The following CLEC2L variants were observed in gnomAD, a reference collection of about 807,000 sequenced individuals.
CLEC2L encodes the protein C-type lectin domain family 2, member L.
CLEC2L carries 14 observed loss-of-function variants against 23.6 expected under a neutral mutation model. The observed-to-expected ratio is 0.59, with a 90% CI of 0.39 to 0.93. CLEC2L has a LOEUF of 0.93. Ranked by LOEUF, CLEC2L falls within the 40% of genes least tolerant of loss-of-function variation. CLEC2L has a pLI of 0.00. For missense variants in CLEC2L, 264 were observed against 282.4 expected, an observed-to-expected ratio of 0.93 and a Z score of 0.47; for synonymous variants, 114 against 121.3, an observed-to-expected ratio of 0.94 and a Z score of 0.40.
At position 139,536,254 on chromosome 7, in the gene CLEC2L, A is replaced by C. The variant is rs1797653866; in HGVS notation, c.191-20A>C. On this transcript the variant is annotated intron_variant, in intron 1 of 4. Transcript: ENST00000422142. ...GGTGGGATGGGCGGTGGGATGTTGAACCCCTCTCTCTTCTCCTAGACACCA... is the reference window on the plus strand; with the variant it reads ...GGTGGGATGGGCGGTGGGATGTTGACCCCCTCTCTCTTCTCCTAGACACCA... 1.3e-6 allele frequency: 2 copies of C among 1,547,320 alleles called. No homozygotes were observed. Among genetic ancestry groups the C allele is most frequent in the South Asian group, 2.4e-5 (2 of 83,892 alleles).
chr7:139,542,950 C>A (rs1450635306), intron 4 of CLEC2L, among the ~76,000 whole-genome samples: 1 of 152,120 alleles, frequency 6.6e-6, no homozygotes, highest in Admixed American at 6.5e-5. Flanking sequence ...GAGGAATAGG[C>A]TCTGAGGTGC....
chr7:139,531,097 C>T (rs1049178745), intron 1 of CLEC2L, among the ~76,000 whole-genome samples: 17 of 152,190 alleles, frequency 1.1e-4, no homozygotes, highest in Non-Finnish European at 2.4e-4. Context: ...TATCTATGGG[C>T]TTGGAGGCTC....
At position 139,523,770 on chromosome 7, in the gene CLEC2L, G is replaced by C; in HGVS notation, c.-158G>C. On this transcript the variant is annotated 5_prime_UTR_variant, in exon 1 of 5. Coordinates refer to ENST00000422142, the MANE Select transcript of CLEC2L (RefSeq NM_001080511.4). The surrounding 1 kb of genome is among the most constrained non-coding windows in gnomAD (Gnocchi z 4.1). ...CACCCGGCGCAGAGGCTCCAGCGCG[G>C]GGAGCCGGGCTCAGCCCCGGCCTGC... is the stretch of plus-strand genomic sequence containing the variant. The C allele has an allele frequency of 3.0e-6, 1 of 331,832 alleles. No individual in the cohort carries two copies. The highest frequency in any genetic ancestry group is 1.2e-4 in the South Asian group (1 of 8,508). The allele number at this position is 331,832 out of a possible 1,614,324, so 20.6% of individuals were successfully genotyped here. A position where few individuals can be genotyped will look rare whatever the true frequency, so the allele number is the denominator to read the frequency against.
chr7:139,536,045 C>G (rs112889199), intron 1 of CLEC2L, among the ~76,000 whole-genome samples: 2,261 of 152,358 alleles, frequency 0.015, 65 homozygotes, highest in African/African-American at 0.05. Flanking sequence ...TAGCTCATGC[C>G]TGTAATCCCA....
intron 2 of CLEC2L, among the ~76,000 whole-genome samples, chr7:139,536,836 G>T (rs1324579597): frequency 4.6e-5 from 7 of 151,910 alleles, no homozygotes; most frequent in African/African-American, 1.7e-4. Context: ...TTAGCCAGGT[G>T]TGGTGGTGGG....
At chr7:139,530,570 T>C (rs569897519) in intron 1 of CLEC2L, among the ~76,000 whole-genome samples, 158 of 152,264 alleles carry the variant, frequency 1.0e-3, no homozygotes, top group Non-Finnish European at 1.8e-3. Context: ...CCCAGCACTT[T>C]GAGAGGCCGA....
chr7:139,544,290 C>T lies in CLEC2L; in HGVS notation c.593C>T (p.Thr198Met), dbSNP rs370770604. 8 of 1,613,528 alleles carry T rather than the reference C, an allele frequency of 5.0e-6. No homozygotes were observed. In the African/African-American group the frequency reaches 6.7e-5, roughly 13 times the overall value. Residue 198 changes from threonine to methionine, a missense_variant, in exon 5 of 5, where the codon ACG becomes ATG. Coordinates refer to ENST00000422142, the MANE Select transcript of CLEC2L (RefSeq NM_001080511.4). ...GTGGAGCCCACCAGGCTGGTGTCGA[C>T]GGAGTGTCTGATGACCCGGCCCTGG... ...VFVEPTRLVSTECLMTRPWVC... is the reference protein window; with the variant it reads ...VFVEPTRLVSMECLMTRPWVC...
chr7:139,528,850 C>T (rs1223628223), intron 1 of CLEC2L, among the ~76,000 whole-genome samples: 1 of 152,164 alleles, frequency 6.6e-6, no homozygotes, highest in African/African-American at 2.4e-5. Flanking sequence ...GAAGCATGGT[C>T]CAGTGCAGCA....
chr7:139,536,142 A>G, intron 1 of CLEC2L, 132 bp from the exon 2 acceptor site: 2 of 625,832 alleles, frequency 3.2e-6, no homozygotes, highest in South Asian at 4.3e-5. Flanking sequence ...CCATCTCAAA[A>G]CAACAACAAC....
intron 1 of CLEC2L, among the ~76,000 whole-genome samples, chr7:139,535,680 A>G (rs1262064658): frequency 6.6e-6 from 1 of 152,244 alleles, no homozygotes; most frequent in Non-Finnish European, 1.5e-5. Context: ...AGGATCAGGA[A>G]GAGGATGGAT....
At chr7:139,536,226 G>C in intron 1 of CLEC2L, 48 bp from the exon 2 acceptor site, 1 of 1,445,664 alleles carries the variant, frequency 6.9e-7, no homozygotes, top group Non-Finnish European at 9.5e-7. Context: ...CAGTGGGACT[G>C]GCGGTGGGAT....
At chr7:139,534,907 T>A (rs74629182) in intron 1 of CLEC2L, among the ~76,000 whole-genome samples, 10,088 of 151,340 alleles carry the variant, frequency 0.067, 537 homozygotes, top group African/African-American at 0.15. Context: ...GGAAACGCAG[T>A]TTAGCCATGT....
intron 2 of CLEC2L, among the ~76,000 whole-genome samples, 179 bp downstream of exon 2, chr7:139,536,527 G>C (rs1425439445): frequency 6.6e-6 from 1 of 152,168 alleles, no homozygotes; most frequent in Admixed American, 6.5e-5. Flanking sequence ...TTCACACACA[G>C]ACTATACATG....
rs1797780701 is a variant in CLEC2L at position 139,544,463 on chromosome 7, C to T, written c.*121C>T. On this transcript the variant is annotated 3_prime_UTR_variant, in exon 5 of 5. Coordinates refer to ENST00000422142, the MANE Select transcript of CLEC2L (RefSeq NM_001080511.4). ...CAAGGCGAAGCGGTGGGTGCGTGGC[C>T]TCCGCCCCAGGCCCCTCTCCCAGGC... The T allele has an allele frequency of 2.9e-6, 2 of 682,952 alleles. No individual in the cohort carries two copies. The highest frequency in any genetic ancestry group is 2.7e-5 in the East Asian group (1 of 36,658). 42.3% of individuals were successfully genotyped at this position (682,952 alleles called of 1,614,324 possible). A position where few individuals can be genotyped will look rare whatever the true frequency, so the allele number is the denominator to read the frequency against.
intron 1 of CLEC2L, chr7:139,534,296 A>C: frequency 1.4e-6 from 2 of 1,473,862 alleles, no homozygotes; most frequent in Non-Finnish European, 1.9e-6. Context: ...GGCAGAACTT[A>C]TGCTGACTAC....
chr7:139,540,627 C>A lies in CLEC2L; in HGVS notation c.432+140C>A. The A allele has an allele frequency of 1.1e-6, 1 of 949,548 alleles. No homozygotes were observed. Among genetic ancestry groups the A allele is most frequent in the Non-Finnish European group, 1.6e-6 (1 of 620,836 alleles). The allele number at this position is 949,548 out of a possible 1,614,324, so 58.8% of individuals were successfully genotyped here. A position where few individuals can be genotyped will look rare whatever the true frequency, so the allele number is the denominator to read the frequency against. On this transcript the variant is annotated intron_variant, in intron 3 of 4. Coordinates refer to ENST00000422142, the MANE Select transcript of CLEC2L (RefSeq NM_001080511.4). The surrounding 1 kb of genome is among the most constrained non-coding windows in gnomAD (Gnocchi z 5.8). ...AAGCCGCCCACCTGCTGCATAACCA[C>A]TTGGGGTGCAGGCAGACCTCACAGT... is the stretch of plus-strand genomic sequence containing the variant.
Position 139,544,305 on chromosome 7 carries a change from C to T in CLEC2L, c.608C>T (p.Thr203Ile), listed in dbSNP as rs753201702. ...TRLVSTECLM[T>I]RPWVCSKMAY... ...CTGGTGTCGACGGAGTGTCTGATGA[C>T]CCGGCCCTGGGTGTGCAGCAAGATG... Residue 203 changes from threonine to isoleucine, a missense_variant, in exon 5 of 5, where the codon ACC (threonine) becomes ATC (isoleucine). Transcript: ENST00000422142. The T allele has an allele frequency of 6.2e-7, 1 of 1,613,340 alleles. No individual in the cohort carries two copies. The highest frequency in any genetic ancestry group is 8.5e-7 in the Non-Finnish European group (1 of 1,179,640).
chr7:139,530,015 C>CA (rs59845086), intron 1 of CLEC2L, among the ~76,000 whole-genome samples: 2,343 of 103,228 alleles, frequency 0.023, 34 homozygotes, highest in Middle Eastern at 0.049. Context: ...TTGCAGTGAG[C>CA]AAAAAAAAAA....
At chr7:139,530,057 G>T (rs191807344) in intron 1 of CLEC2L, among the ~76,000 whole-genome samples, 1 of 151,906 alleles carries the variant, frequency 6.6e-6, no homozygotes, top group Non-Finnish European at 1.5e-5. Context: ...GGTGGCACGT[G>T]CCTCTAATCC....
Sources: gnomAD v4.1 joint callset for allele counts (sites outside exome capture counted in the v4.1 genomes callset) on GRCh38, gnomAD v4.1.1 for gene constraint, Gnocchi (gnomAD v3.1) non-coding constraint, MANE v1.5 for transcripts, NCBI Gene and HGNC (gene_info 2026-07-23, HGNC 2026-07-21) for gene names.